The following ST8SIA5 variants were observed in gnomAD, a reference collection of about 807,000 sequenced individuals.
The protein encoded by ST8SIA5 is ST8 alpha-N-acetyl-neuraminide alpha-2,8-sialyltransferase 5, also known as alpha-2,8-sialyltransferase 8E.
ST8SIA5 carries 24 observed loss-of-function variants against 40.2 expected under a neutral mutation model. The ratio of observed to expected loss-of-function variants is 0.60; its 90% CI spans 0.43 to 0.84. The LOEUF (loss-of-function observed/expected upper bound fraction) is 0.84, where lower values mean the gene tolerates loss of function less well. Ranked by LOEUF, ST8SIA5 falls within the 40% of genes least tolerant of loss-of-function variation. ST8SIA5 has a pLI of 0.00. For missense variants in ST8SIA5, 465 were observed against 498.5 expected, an observed-to-expected ratio of 0.93 and a Z score of 0.64; for synonymous variants, 198 against 201.8, an observed-to-expected ratio of 0.98 and a Z score of 0.16.
At chr18:46,700,575 GCA>G (rs2039602581) in intron 2 of ST8SIA5, among the ~76,000 whole-genome samples, 1 of 152,086 alleles carries the variant, frequency 6.6e-6, no homozygotes, top group Admixed American at 6.5e-5. Context: ...AGGAAAGGAG[GCA>G]CACACACTCA....
At chr18:46,717,129 C>G (rs1568266495) in intron 1 of ST8SIA5, among the ~76,000 whole-genome samples, 1 of 152,208 alleles carries the variant, frequency 6.6e-6, no homozygotes, top group Non-Finnish European at 1.5e-5. Flanking sequence ...ACCATGAGGG[C>G]ACCGCTGCCT....
At chr18:46,713,159 T>C (rs1273985937) in intron 1 of ST8SIA5, among the ~76,000 whole-genome samples, 2 of 152,042 alleles carry the variant, frequency 1.3e-5, no homozygotes, top group Non-Finnish European at 2.9e-5. Context: ...GGGAGAACTA[T>C]TGCAGCATGA....
In ST8SIA5 at chr18:46,668,232, C is replaced by A. The variant is rs1221414743; in HGVS notation, c.*11810G>T. The A allele has an allele frequency of 6.6e-6, 1 of 152,262 alleles. No homozygotes were observed. The highest frequency in any genetic ancestry group is 1.5e-5 in the Non-Finnish European group (1 of 68,068). 9.4% of individuals were successfully genotyped at this position (152,262 alleles called of 1,614,324 possible). On this transcript the variant is annotated 3_prime_UTR_variant, in exon 7 of 7. Transcript: ENST00000315087. ...AAAGGCTCCACGGAGCGCAGTGCAG[C>A]GTGACTTGGCTCTTTGAGAGGAAAG...
intron 1 of ST8SIA5, among the ~76,000 whole-genome samples, chr18:46,743,773 C>T (rs1228448997): frequency 2.6e-5 from 4 of 152,090 alleles, no homozygotes; most frequent in Non-Finnish European, 4.4e-5. Context: ...TCAGATTCAC[C>T]AAAGTTGAAA....
rs1331602057 is a variant in ST8SIA5, at chr18:46,680,013, C to T, written c.*29G>A. ...GGAGGGACAGCAGGAGAGGGGGCGC[C>T]GCTTGCCGGGCAGCCTGGCTGGCAG... On this transcript the variant is annotated 3_prime_UTR_variant, in exon 7 of 7. Transcript: ENST00000315087. 1 of 1,575,788 alleles carries T rather than the reference C, an allele frequency of 6.3e-7. No homozygotes were observed. The highest frequency in any genetic ancestry group is 8.6e-7 in the Non-Finnish European group (1 of 1,160,006).
intron 1 of ST8SIA5, chr18:46,730,251 G>C: frequency 1.0e-6 from 1 of 985,280 alleles, no homozygotes; most frequent in Non-Finnish European, 1.2e-6. Context: ...AGGGGGGCTC[G>C]CATTCCACCA....
chr18:46,751,378 ATTT>A (rs760894175), intron 1 of ST8SIA5, among the ~76,000 whole-genome samples: 118 of 151,808 alleles, frequency 7.8e-4, no homozygotes, highest in Non-Finnish European at 1.1e-3. Context: ...TTATTTATTT[ATTT>A]ATTTAATTTT....
At chr18:46,753,181 G>GTCCT (rs1394789791) in intron 1 of ST8SIA5, among the ~76,000 whole-genome samples, 3 of 152,066 alleles carry the variant, frequency 2.0e-5, no homozygotes, top group African/African-American at 7.2e-5. Flanking sequence ...CACACACATA[G>GTCCT]TCCTACCTTC....
intron 1 of ST8SIA5, among the ~76,000 whole-genome samples, chr18:46,741,106 A>G (rs1050481194): frequency 6.6e-6 from 1 of 152,188 alleles, no homozygotes; most frequent in African/African-American, 2.4e-5. Context: ...GAGAAAATCA[A>G]CAATGCCAAA....
intron 1 of ST8SIA5, among the ~76,000 whole-genome samples, chr18:46,709,597 A>G (rs925696540): frequency 5.3e-5 from 8 of 152,228 alleles, no homozygotes; most frequent in African/African-American, 1.9e-4. Flanking sequence ...ACAGATATAC[A>G]GACATCAAAA....
intron 6 of ST8SIA5, among the ~76,000 whole-genome samples, chr18:46,681,227 C>G (rs1438489899): frequency 6.6e-6 from 1 of 152,102 alleles, no homozygotes; most frequent in Non-Finnish European, 1.5e-5. Flanking sequence ...ACACTCTGGC[C>G]TCAGCCTCCC....
At chr18:46,689,090 C>A in intron 3 of ST8SIA5, 171 bp from the exon 4 acceptor site, 1 of 698,234 alleles carries the variant, frequency 1.4e-6, no homozygotes, top group Non-Finnish European at 2.3e-6. Context: ...CCACCCATCC[C>A]ACACACATCC....
At chr18:46,740,485 T>C (rs1395336734) in intron 1 of ST8SIA5, among the ~76,000 whole-genome samples, 3 of 152,162 alleles carry the variant, frequency 2.0e-5, no homozygotes, top group African/African-American at 7.2e-5. Flanking sequence ...ACTGTAAGTA[T>C]GTGCTAGTTA....
intron 1 of ST8SIA5, among the ~76,000 whole-genome samples, chr18:46,732,073 C>T (rs2039990119): frequency 6.6e-6 from 1 of 152,148 alleles, no homozygotes; most frequent in Non-Finnish European, 1.5e-5. Context: ...GGCAGGAAGT[C>T]CAGGCTTTTA....
intron 1 of ST8SIA5, among the ~76,000 whole-genome samples, chr18:46,740,698 A>G (rs2040079321): frequency 2.0e-5 from 3 of 152,222 alleles, no homozygotes; most frequent in Admixed American, 1.3e-4. Context: ...GGAATTCAAG[A>G]TATTGAAAAT....
chr18:46,756,300 GAAGCTGCCGCGGCCA>G (rs2040245054), intron 1 of ST8SIA5, 63 bp downstream of exon 1: 1 of 1,577,150 alleles, frequency 6.3e-7, no homozygotes, highest in Non-Finnish European at 8.6e-7. Flanking sequence ...CGCTGCGACC[GAAGCTGCCGCGGCCA>G]CTGCCACCCG....
chr18:46,699,002 A>G (rs1568257092), intron 2 of ST8SIA5, among the ~76,000 whole-genome samples: 2 of 152,356 alleles, frequency 1.3e-5, no homozygotes, highest in South Asian at 4.1e-4. Flanking sequence ...CATCATCCCA[A>G]TAATGGAAAA....
chr18:46,750,536 C>G (rs939877858), intron 1 of ST8SIA5, among the ~76,000 whole-genome samples: 1 of 152,158 alleles, frequency 6.6e-6, no homozygotes, highest in Non-Finnish European at 1.5e-5. Flanking sequence ...TCACTCCCTG[C>G]CCACTGAAAT....
chr18:46,720,159 C>T (rs2039847558), intron 1 of ST8SIA5, among the ~76,000 whole-genome samples: 1 of 152,024 alleles, frequency 6.6e-6, no homozygotes, highest in Non-Finnish European at 1.5e-5. Flanking sequence ...TTTTCTACCC[C>T]AAACCTCTTG....
Sources: allele counts gnomAD v4.1 joint callset (sites outside exome capture counted in the v4.1 genomes callset), GRCh38; gene constraint gnomAD v4.1.1; transcripts MANE v1.5; gene names NCBI Gene and HGNC (gene_info 2026-07-23, HGNC 2026-07-21).